Variants in ITGA1 observed in about 807,000 individuals in gnomAD.
ITGA1 encodes integrin alpha-1.
A neutral mutation model predicts 145.9 loss-of-function variants in ITGA1; 85 were observed. The observed-to-expected ratio is 0.58, with a 90% CI of 0.49 to 0.70. The LOEUF (loss-of-function observed/expected upper bound fraction) is 0.70, where lower values mean the gene tolerates loss of function less well. Ranked by LOEUF, ITGA1 falls within the 30% of genes least tolerant of loss-of-function variation. The pLI is 0.00. For missense variants in ITGA1, 1,351 were observed against 1,418.7 expected (o/e 0.95, Z 0.77); for synonymous variants, 520 against 495.3 (o/e 1.05, Z -0.66).
In ITGA1 at chr5:52,861,540, T is replaced by A; in HGVS notation, c.276T>A (p.Cys92Ter). The change falls in exon 3 of 29, where the codon TGT becomes TGA. Residue 92 changes from cysteine (C) to a stop codon, truncating the protein, a stop_gained. Transcript: ENST00000282588. LOFTEE classifies it high-confidence loss of function. ...TTGGGAGAGGTGAATCATTACCTTG[T>A]GTAAAGTTGGATCTACCAGGTATGT... is the stretch of plus-strand genomic sequence containing the variant. ...CPVGRGESLP[C>*]VKLDLPVNTS... 6.2e-7 allele frequency: 1 copy of A among 1,611,392 alleles called. No homozygotes were observed. Among genetic ancestry groups the A allele is most frequent in the Non-Finnish European group, 8.5e-7 (1 of 1,177,964 alleles).
In ITGA1 at chr5:52,788,191, A is replaced by G; in HGVS notation, c.-163A>G. 1 of 493,568 alleles carries G rather than the reference A, an allele frequency of 2.0e-6. No individual in the cohort carries two copies. The highest frequency in any genetic ancestry group is 4.4e-5 in the Admixed American group (1 of 22,988). 30.6% of individuals were successfully genotyped at this position (493,568 alleles called of 1,614,324 possible). On this transcript the variant is annotated 5_prime_UTR_variant, in exon 1 of 29. Coordinates refer to ENST00000282588, the MANE Select transcript of ITGA1 (RefSeq NM_181501.2). ...GCATTTAGAGGAATTCGACGAAAAC[A>G]CAGGAAATCACTCCTCTCCCGCTCC...
At chr5:52,830,587 T>C (rs529951911) in intron 1 of ITGA1, among the ~76,000 whole-genome samples, 1 of 152,296 alleles carries the variant, frequency 6.6e-6, no homozygotes, top group South Asian at 2.1e-4. Context: ...AGTCCAATTT[T>C]TGAAAATTTT....
chr5:52,939,814 A>T, intron 25 of ITGA1, 26 bp from the exon 26 acceptor site: 1 of 1,484,152 alleles, frequency 6.7e-7, no homozygotes, highest in Non-Finnish European at 9.4e-7. Flanking sequence ...AAGAATACTG[A>T]TATGTATCTC....
At chr5:52,934,132 A>G (rs563689151) in intron 23 of ITGA1, 136 bp downstream of exon 23, 1 of 243,446 alleles carries the variant, frequency 4.1e-6, no homozygotes, top group Non-Finnish European at 8.1e-6. Context: ...TTATAATTTC[A>G]TAAATATAAA....
At chr5:52,849,509 GTTA>G in intron 2 of ITGA1, 24 bp downstream of exon 2, 3 of 1,560,514 alleles carry the variant, frequency 1.9e-6, no homozygotes, top group Non-Finnish European at 2.6e-6. Flanking sequence ...TTTTGTTGTT[GTTA>G]TTTACTTATT....
rs150461329 is a variant in ITGA1, at chr5:52,858,600, G to A, written c.183-2847G>A. 3.9e-3 allele frequency among the ~76,000 whole-genome samples: 599 copies of A among 152,090 alleles called. 4 individuals carry two copies. The highest frequency in any genetic ancestry group is 0.013 in the African/African-American group (549 of 41,490). On this transcript the variant is annotated intron_variant, in intron 2 of 28. Coordinates refer to ENST00000282588, the MANE Select transcript of ITGA1 (RefSeq NM_181501.2). ...CTCAAATTAAATACTTTCTAAAATC[G>A]TAGGCTCATTTTTTTCTCTAAACTG...
rs1306177890 is a variant in ITGA1 at position 52,887,798 on chromosome 5, G to T, written c.774-17G>T. ...GTGGTGTCTTATCAACCTCTCTTTT[G>T]TTTGTGATTACTTTAGAAAGGAGGC... On this transcript the variant is annotated splice_polypyrimidine_tract_variant and intron_variant, in intron 7 of 28. Coordinates refer to ENST00000282588, the MANE Select transcript of ITGA1 (RefSeq NM_181501.2). 1 of 1,603,038 alleles carries T rather than the reference G, an allele frequency of 6.2e-7. No individual in the cohort carries two copies. Among genetic ancestry groups the T allele is most frequent in the Non-Finnish European group, 8.5e-7 (1 of 1,173,472 alleles).
In ITGA1 at chr5:52,792,272, T is replaced by C. The variant is rs114388560; in HGVS notation, c.61+3858T>C. 5.6e-3 allele frequency among the ~76,000 whole-genome samples: 853 copies of C among 152,294 alleles called. 8 individuals are homozygous for C. Among genetic ancestry groups the C allele is most frequent in the African/African-American group, 0.02 (823 of 41,572 alleles). On this transcript the variant is annotated intron_variant, in intron 1 of 28. Coordinates refer to ENST00000282588, the MANE Select transcript of ITGA1 (RefSeq NM_181501.2). ...ATCCAGTGAGGAGATGGGAGATGGC[T>C]GAATATGGGGAGGAAGTCAGCCACT...
intron 18 of ITGA1, among the ~76,000 whole-genome samples, chr5:52,923,525 T>C (rs1750760690): frequency 6.6e-6 from 1 of 152,040 alleles, no homozygotes; most frequent in African/African-American, 2.4e-5. Context: ...TTCAAGAAAA[T>C]AGTAAACTTT....
intron 8 of ITGA1, among the ~76,000 whole-genome samples, chr5:52,892,753 A>G (rs557020255): frequency 2.0e-5 from 3 of 152,246 alleles, no homozygotes; most frequent in East Asian, 3.9e-4. Context: ...GCTACATACT[A>G]TATGATTCCT....
rs748796950 is a variant in ITGA1, at chr5:52,887,866, C to T, written c.825C>T (p.Val275=). 1 of 1,613,990 alleles carries T rather than the reference C, an allele frequency of 6.2e-7. No homozygotes were observed. Among genetic ancestry groups the T allele is most frequent in the South Asian group, 1.1e-5 (1 of 91,052 alleles). Residue 275 remains valine, a synonymous_variant, in exon 8 of 29, where the codon GTC becomes GTT. Coordinates refer to ENST00000282588, the MANE Select transcript of ITGA1 (RefSeq NM_181501.2). The part of the protein sequence containing the change: ...ARGARRGVKK[V]MVIVTDGESH... ...GTGCCCGAAGAGGAGTTAAAAAAGT[C>T]ATGGTTATTGTGACAGATGGAGAGT...
At chr5:52,880,066 G>A (rs4865749) in intron 6 of ITGA1, among the ~76,000 whole-genome samples, 50,771 of 152,064 alleles carry the variant, frequency 0.33, 10,961 homozygotes, top group African/African-American at 0.6. Context: ...TAGCCATGAA[G>A]TGGCAGTGGC....
chr5:52,942,601 G>A (rs1579733232), intron 26 of ITGA1, among the ~76,000 whole-genome samples: 1 of 150,994 alleles, frequency 6.6e-6, no homozygotes, highest in East Asian at 2.0e-4. Context: ...CGCGACCTTG[G>A]CTCACTGCAA....
Position 52,933,994 on chromosome 5 carries a change from T to A in ITGA1, c.2962T>A (p.Leu988Met). The change falls in exon 23 of 29, where the codon TTG (leucine) becomes ATG (methionine). Residue 988 changes from leucine to methionine, a missense_variant and splice_region_variant. Physicochemically the swap from Leu to Met is conservative, Grantham distance 15. Coordinates refer to ENST00000282588, the MANE Select transcript of ITGA1 (RefSeq NM_181501.2). The stretch of plus-strand genomic sequence containing the variant: ...TGGAAATGAAATTAATATCTTCTAC[T>A]TGGTAAGAAATTACCTCTAAAATAG... ...DIGNEINIFY[L>M]IRKSGSFPMP... 2 of 1,343,722 alleles carry A rather than the reference T, an allele frequency of 1.5e-6. No individual in the cohort carries two copies. Among genetic ancestry groups the A allele is most frequent in the Non-Finnish European group, 1.0e-6 (1 of 983,244 alleles). 83.2% of individuals were successfully genotyped at this position (1,343,722 alleles called of 1,614,324 possible).
chr5:52,794,012 A>G (rs1484331080), intron 1 of ITGA1, among the ~76,000 whole-genome samples: 1 of 152,092 alleles, frequency 6.6e-6, no homozygotes, highest in Non-Finnish European at 1.5e-5. Flanking sequence ...AAAAAAGTCA[A>G]CTAAGTTTTA....
At chr5:52,830,883 A>G (rs143942425) in intron 1 of ITGA1, among the ~76,000 whole-genome samples, 409 of 152,292 alleles carry the variant, frequency 2.7e-3, no homozygotes, top group African/African-American at 9.5e-3. Flanking sequence ...ATCCTGACAC[A>G]AAGCAGCAAT....
intron 3 of ITGA1, 140 bp downstream of exon 3, chr5:52,861,699 C>T: frequency 6.5e-6 from 4 of 611,046 alleles, no homozygotes; most frequent in Non-Finnish European, 8.8e-6. Flanking sequence ...GACGAAACCT[C>T]ATCTCTACAA....
chr5:52,876,076 G>A (rs142289550), intron 6 of ITGA1, among the ~76,000 whole-genome samples: 13 of 152,194 alleles, frequency 8.5e-5, no homozygotes, highest in Non-Finnish European at 1.6e-4. Context: ...GGATTTTCAC[G>A]TGGGAGAGAA....
rs1751113448 is a variant in ITGA1 at position 52,945,008 on chromosome 5, T to A, written c.3351T>A (p.Val1117=). The change falls in exon 27 of 29, where the codon GTT becomes GTA. Residue 1117 remains valine, a synonymous_variant. Coordinates refer to ENST00000282588, the MANE Select transcript of ITGA1 (RefSeq NM_181501.2). The part of the protein sequence containing the change: ...GELRSENASL[V]LSSSNQKREL... ...TTCGGAGTGAAAATGCATCTCTGGT[T>A]TTAAGTAGCAGCAATCAAAAAAGAG... 6.2e-7 allele frequency: 1 copy of A among 1,613,128 alleles called. No homozygotes were observed. The highest frequency in any genetic ancestry group is 8.5e-7 in the Non-Finnish European group (1 of 1,179,564).
Sources: allele counts gnomAD v4.1 joint callset (sites outside exome capture counted in the v4.1 genomes callset), GRCh38; gene constraint gnomAD v4.1.1; transcripts MANE v1.5; gene names NCBI Gene and HGNC (gene_info 2026-07-23, HGNC 2026-07-21).